The following PSIP1 variants were observed in gnomAD, a reference collection of about 807,000 sequenced individuals.
PSIP1 encodes PC4 and SFRS1-interacting protein.
PSIP1 carries 19 observed loss-of-function variants against 74.7 expected under a neutral mutation model. The ratio of observed to expected loss-of-function variants is 0.25; its 90% CI spans 0.18 to 0.37. The LOEUF is 0.37. Ranked by LOEUF, PSIP1 falls within the 10% of genes least tolerant of loss-of-function variation. The probability of loss-of-function intolerance (pLI) is 1.00; values close to 1 mark genes in which losing one functional copy is unlikely to be tolerated. For synonymous variants in PSIP1, 222 were observed against 195.3 expected (o/e 1.14, Z -1.14); for missense variants, 601 against 614.3 (o/e 0.98, Z 0.23).
chr9:15,489,078 A>G (rs535046048), intron 4 of PSIP1, among the ~76,000 whole-genome samples: 1 of 152,264 alleles, frequency 6.6e-6, no homozygotes, highest in African/African-American at 2.4e-5. Flanking sequence ...AAGTAAGAGA[A>G]CCAGTGTTTT....
chr9:15,487,245 T>A (rs967702312), intron 4 of PSIP1, among the ~76,000 whole-genome samples: 4 of 151,170 alleles, frequency 2.6e-5, no homozygotes, highest in African/African-American at 7.3e-5. Flanking sequence ...GCTTGGCAAT[T>A]TGGAGGATAA....
At chr9:15,481,808 C>T (rs1364542374) in intron 6 of PSIP1, among the ~76,000 whole-genome samples, 1 of 152,152 alleles carries the variant, frequency 6.6e-6, no homozygotes, top group African/African-American at 2.4e-5. Context: ...CCCTACCATG[C>T]ACGTGTGTTC....
intron 10 of PSIP1, among the ~76,000 whole-genome samples, 183 bp from the exon 11 acceptor site, chr9:15,470,176 TAA>T (rs1368082024): frequency 6.6e-6 from 1 of 152,092 alleles, no homozygotes; most frequent in Non-Finnish European, 1.5e-5. Context: ...AAACTCTAAT[TAA>T]CATGCTAGAT....
intron 4 of PSIP1, 82 bp downstream of exon 4, chr9:15,489,904 G>T: frequency 2.6e-6 from 3 of 1,174,968 alleles, no homozygotes; most frequent in Non-Finnish European, 3.4e-6. Context: ...AAGGCTTTTA[G>T]TATTTACTTT....
chr9:15,488,546 G>GT (rs892087208), intron 4 of PSIP1, among the ~76,000 whole-genome samples: 2 of 152,058 alleles, frequency 1.3e-5, no homozygotes, highest in African/African-American at 2.4e-5. Flanking sequence ...ATTTTAAATC[G>GT]TAAGAGTTCT....
At chr9:15,471,499 CAATA>C (rs1308752137) in intron 10 of PSIP1, 6 of 973,352 alleles carry the variant, frequency 6.2e-6, no homozygotes, top group African/African-American at 1.8e-5. Context: ...TTTGAGATCA[CAATA>C]AAGTCAAAAG....
intron 7 of PSIP1, 48 bp from the exon 8 acceptor site, chr9:15,478,600 A>C: frequency 8.2e-7 from 1 of 1,224,726 alleles, no homozygotes; most frequent in African/African-American, 1.5e-5. Context: ...TTTCTATTTA[A>C]GATACAAATC....
chr9:15,473,917 A>AAC, intron 9 of PSIP1, 92 bp downstream of exon 9: 1 of 848,442 alleles, frequency 1.2e-6, no homozygotes, highest in African/African-American at 2.4e-5. Context: ...AAAAAAAACA[A>AAC]AAAAAAAAAC....
In PSIP1 at chr9:15,484,589, T is replaced by C. The variant is rs112856899; in HGVS notation, c.456+1417A>G. On this transcript the variant is annotated intron_variant, in intron 6 of 15. Coordinates refer to ENST00000380733, the MANE Select transcript of PSIP1 (RefSeq NM_033222.5). ...AAAATACAAAAAAATTAGGTGTGCA[T>C]GGTGGTGTGCACCCGTAATCCCAGC... 1.1e-4 allele frequency among the ~76,000 whole-genome samples: 17 copies of C among 151,932 alleles called. 2 individuals are homozygous for C. Among genetic ancestry groups the C allele is most frequent in the East Asian group, 7.8e-4 (4 of 5,158 alleles).
chr9:15,506,934 C>A (rs1220533761), intron 2 of PSIP1, among the ~76,000 whole-genome samples: 2 of 152,136 alleles, frequency 1.3e-5, no homozygotes, highest in Non-Finnish European at 2.9e-5. Flanking sequence ...TATTCCAGAC[C>A]GCACCAGCAG....
intron 4 of PSIP1, among the ~76,000 whole-genome samples, chr9:15,487,173 C>T (rs900232290): frequency 6.6e-6 from 1 of 150,838 alleles, no homozygotes; most frequent in Non-Finnish European, 1.5e-5. Context: ...GTACCCCAGC[C>T]TGGGCAACGC....
At position 15,478,518 on chromosome 9, in the gene PSIP1, T is replaced by C. The variant is rs2036195370; in HGVS notation, c.588A>G (p.Arg196=). The part of the protein sequence containing the change: ...TEVKIPKPRG[R]PKMVKQPCPS... Reference sequence around the variant, plus strand: ...GACAGGGCTGTTTTACCATTTTGGGTCTGCCTCTTGGTTTTGGAATCTTGA... The same window carrying C: ...GACAGGGCTGTTTTACCATTTTGGGCCTGCCTCTTGGTTTTGGAATCTTGA... The change falls in exon 8 of 16, where the codon AGA becomes AGG. Residue 196 remains arginine, a synonymous_variant. Transcript: ENST00000380733. 6.2e-7 allele frequency: 1 copy of C among 1,606,300 alleles called. No individual in the cohort carries two copies. The highest frequency in any genetic ancestry group is 1.3e-5 in the African/African-American group (1 of 74,728).
At chr9:15,487,883 CAAGT>C (rs950535930) in intron 4 of PSIP1, among the ~76,000 whole-genome samples, 37 of 152,166 alleles carry the variant, frequency 2.4e-4, no homozygotes, top group Non-Finnish European at 4.7e-4. Context: ...AATCCATTAA[CAAGT>C]AAGTACTGGG....
chr9:15,504,869 A>C (rs899873076), intron 3 of PSIP1: 1 of 152,210 alleles, frequency 6.6e-6, no homozygotes, highest in Non-Finnish European at 1.5e-5. Flanking sequence ...CTTCAACGTA[A>C]ATCAGAATCA....
chr9:15,501,696 G>C (rs1233851326), intron 3 of PSIP1, among the ~76,000 whole-genome samples: 2 of 151,884 alleles, frequency 1.3e-5, no homozygotes, highest in Non-Finnish European at 2.9e-5. Context: ...AAGGTTTTCA[G>C]TGAAATGACA....
intron 5 of PSIP1, 42 bp from the exon 6 acceptor site, chr9:15,486,110 C>T: frequency 6.8e-7 from 1 of 1,468,988 alleles, no homozygotes; most frequent in Non-Finnish European, 9.3e-7. Context: ...ATAAATTATT[C>T]CAGGAATGAA....
In PSIP1 at chr9:15,464,530, TTG is replaced by T. The variant is rs2035478806; in HGVS notation, c.*988_*989del. The T allele has an allele frequency of 5.0e-6, 1 of 200,728 alleles. No homozygotes were observed. The highest frequency in any genetic ancestry group is 2.3e-5 in the African/African-American group (1 of 43,544). The allele number at this position is 200,728 out of a possible 1,614,324, so 12.4% of individuals were successfully genotyped here. On this transcript the variant is annotated 3_prime_UTR_variant, in exon 16 of 16. Transcript: ENST00000380733. ...AGTACAATGCTGGAACAACTAGTGT[TTG>T]TATTTTTGGAATCTAGAAAATAAAA...
At chr9:15,467,654 A>G (rs2035691242) in intron 14 of PSIP1, among the ~76,000 whole-genome samples, 2 of 152,382 alleles carry the variant, frequency 1.3e-5, no homozygotes, top group East Asian at 1.9e-4. Flanking sequence ...TGACAAGGAC[A>G]TGAGAAGTTA....
intron 1 of PSIP1, 65 bp downstream of exon 1, chr9:15,510,752 C>T (rs1434474181): frequency 1.3e-5 from 2 of 152,156 alleles, no homozygotes; most frequent in Non-Finnish European, 2.9e-5. Context: ...GCGTCCACTT[C>T]CCCGCTACAG....
Sources: gnomAD v4.1 joint callset for allele counts (sites outside exome capture counted in the v4.1 genomes callset) on GRCh38, gnomAD v4.1.1 for gene constraint, MANE v1.5 for transcripts, NCBI Gene and HGNC (gene_info 2026-07-23, HGNC 2026-07-21) for gene names.